Variants in WTAP observed in about 807,000 individuals in gnomAD.
WTAP encodes WT1 associated protein.
Under a neutral mutation model 50.0 loss-of-function variants are expected in WTAP, and 8 were observed. The ratio of observed to expected loss-of-function variants is 0.16; its 90% CI spans 0.09 to 0.29. WTAP has a LOEUF of 0.29. Ranked by LOEUF, WTAP falls within the 10% of genes least tolerant of loss-of-function variation. The probability of loss-of-function intolerance (pLI) is 1.00; values close to 1 mark genes in which losing one functional copy is unlikely to be tolerated. For synonymous variants in WTAP, 194 were observed against 169.0 expected (o/e 1.15, Z -1.15); for missense variants, 295 against 470.7 (o/e 0.63, Z 3.45).
chr6:159,736,241 G>C lies in WTAP; in HGVS notation c.-8-17G>C. Reference sequence around the variant, plus strand: ...AGAAAATAAATTGAACTTGTTTTCCGCAACTTTTTTTTTTAGGATTCAAGA... The same window carrying C: ...AGAAAATAAATTGAACTTGTTTTCCCCAACTTTTTTTTTTAGGATTCAAGA... On this transcript the variant is annotated splice_polypyrimidine_tract_variant and intron_variant, in intron 1 of 7. Coordinates refer to ENST00000621533, the MANE Select transcript of WTAP (RefSeq NM_001270531.2). The C allele has an allele frequency of 6.3e-7, 1 of 1,577,710 alleles. No homozygotes were observed.
chr6:159,755,433 G>T lies in WTAP; in HGVS notation c.1013G>T (p.Ser338Ile). ...AATCAACTCAGTGCGGGGTATGAAA[G>T]TGTAGACTCTCCCACGGGCAGTGAA... ...YVNQLSAGYE[S>I]VDSPTGSENS... is the part of the protein sequence containing the mutation. Residue 338 changes from serine (S) to isoleucine (I), a missense_variant, in exon 8 of 8, where the codon AGT becomes ATT. Coordinates refer to ENST00000621533, the MANE Select transcript of WTAP (RefSeq NM_001270531.2). 6.2e-7 allele frequency: 1 copy of T among 1,614,196 alleles called. No homozygotes were observed. The highest frequency in any genetic ancestry group is 1.1e-5 in the South Asian group (1 of 91,088).
At chr6:159,742,902 AAG>A (rs1554264350) in intron 4 of WTAP, among the ~76,000 whole-genome samples, 1 of 152,128 alleles carries the variant, frequency 6.6e-6, no homozygotes, top group African/African-American at 2.4e-5. Flanking sequence ...CAAAAAAAAA[AAG>A]AGTCAGGAGG....
At chr6:159,735,929 T>G (rs1778886887) in intron 1 of WTAP, among the ~76,000 whole-genome samples, 1 of 152,162 alleles carries the variant, frequency 6.6e-6, no homozygotes, top group African/African-American at 2.4e-5. Context: ...GAGGTCATTA[T>G]ATTTCTCTTC....
intron 3 of WTAP, among the ~76,000 whole-genome samples, chr6:159,741,255 C>G (rs1420813871): frequency 6.6e-6 from 1 of 151,998 alleles, no homozygotes. Flanking sequence ...AACAACGGTC[C>G]CCTTGTATTC....
intron 1 of WTAP, among the ~76,000 whole-genome samples, chr6:159,735,765 A>G (rs1489853350): frequency 1.3e-5 from 2 of 152,076 alleles, no homozygotes; most frequent in African/African-American, 4.8e-5. Context: ...AATAAAAATA[A>G]AATATATAAT....
upstream of WTAP, chr6:159,727,187 G>A: frequency 1.6e-6 from 2 of 1,225,156 alleles, no homozygotes; most frequent in South Asian, 1.4e-5. Context: ...GAAAGGACGG[G>A]GAGTGTTACC....
At chr6:159,749,525 A>G in intron 6 of WTAP, 7 of 778,006 alleles carry the variant, frequency 9.0e-6, no homozygotes, top group Non-Finnish European at 1.1e-5. Flanking sequence ...GAGCAGATTC[A>G]TTTTGGAAAT....
At chr6:159,741,629 T>TA (rs1779260716) in intron 3 of WTAP, 1 of 155,968 alleles carries the variant, frequency 6.4e-6, no homozygotes, top group African/African-American at 2.4e-5. Flanking sequence ...CTTCTCTATA[T>TA]ATCTCTTTTT....
intron 1 of WTAP, among the ~76,000 whole-genome samples, chr6:159,734,394 T>G (rs1230483811): frequency 6.7e-6 from 1 of 149,252 alleles, no homozygotes; most frequent in Admixed American, 6.7e-5. Context: ...AAAAAAAAAT[T>G]CAGTTTAACA....
At chr6:159,737,520 G>C (rs1351847368) in intron 2 of WTAP, among the ~76,000 whole-genome samples, 1 of 152,024 alleles carries the variant, frequency 6.6e-6, no homozygotes, top group Non-Finnish European at 1.5e-5. Flanking sequence ...CTGAGACAGA[G>C]TCTCACTCTG....
chr6:159,756,017 C>T lies in WTAP; in HGVS notation c.*406C>T, dbSNP rs1409947722. On this transcript the variant is annotated 3_prime_UTR_variant, in exon 8 of 8. Coordinates refer to ENST00000621533, the MANE Select transcript of WTAP (RefSeq NM_001270531.2). ...TCATGCTGTTACTGTACTTATGCAC[C>T]ATTCAGACTTGTTAGAGTAGATGTG... The T allele has an allele frequency of 6.2e-6, 1 of 161,250 alleles. No individual in the cohort carries two copies. Among genetic ancestry groups the T allele is most frequent in the African/African-American group, 2.4e-5 (1 of 41,456 alleles). 10.0% of individuals were successfully genotyped at this position (161,250 alleles called of 1,614,324 possible).
chr6:159,746,081 A>G (rs1156362682), intron 5 of WTAP, among the ~76,000 whole-genome samples: 1 of 152,236 alleles, frequency 6.6e-6, no homozygotes, highest in Non-Finnish European at 1.5e-5. Flanking sequence ...TCCCCAAAAT[A>G]CAAAGTGATT....
chr6:159,749,173 A>G (rs1445054965), intron 6 of WTAP: 41 of 985,848 alleles, frequency 4.2e-5, no homozygotes, highest in Non-Finnish European at 4.7e-5. Flanking sequence ...TGTGGTATCA[A>G]ACTTCAGGTT....
chr6:159,730,822 TAC>T (rs1298627942), intron 1 of WTAP: 1 of 152,204 alleles, frequency 6.6e-6, no homozygotes, highest in Non-Finnish European at 1.5e-5. Context: ...ACATTACAAA[TAC>T]AGAGTTTTAT....
rs1191818817 is a variant in WTAP, at chr6:159,755,065, A to G, written c.645A>G (p.Val215=). The G allele has an allele frequency of 1.2e-6, 2 of 1,613,878 alleles. No homozygotes were observed. Among genetic ancestry groups the G allele is most frequent in the Non-Finnish European group, 1.7e-6 (2 of 1,179,962 alleles). ...NDFIIQLDEE[V]EGMQSTILVL... ...TCATCATCCAGCTTGATGAAGAAGT[A>G]GAGGGTATGCAGAGTACCATTCTAG... The change falls in exon 8 of 8, where the codon GTA becomes GTG. Residue 215 remains valine, a synonymous_variant. Transcript: ENST00000621533.
At chr6:159,726,949 A>C (rs113133530), upstream of WTAP, 7,058 of 1,287,946 alleles carry the variant, frequency 5.5e-3, 325 homozygotes, top group African/African-American at 0.096. Context: ...AGCATCACGG[A>C]TGAGCGTCAC....
intron 1 of WTAP, among the ~76,000 whole-genome samples, chr6:159,732,263 C>G (rs1778619137): frequency 6.6e-6 from 1 of 152,106 alleles, no homozygotes. Flanking sequence ...TTATATTGAA[C>G]AGCATCCATG....
At chr6:159,735,566 C>T (rs991089409) in intron 1 of WTAP, among the ~76,000 whole-genome samples, 58 of 152,150 alleles carry the variant, frequency 3.8e-4, no homozygotes, top group African/African-American at 1.3e-3. Context: ...CTGACCAACA[C>T]GGTGAAACCC....
In WTAP at chr6:159,727,600, A is replaced by C; in HGVS notation, c.-112A>C. On this transcript the variant is annotated 5_prime_UTR_variant, in exon 1 of 8. Coordinates refer to ENST00000621533, the MANE Select transcript of WTAP (RefSeq NM_001270531.2). ...AGGAGCGCGGCGGGGCCGGCGGCAG[A>C]GCTGTCCGGCTGCGCGGTGGCCCGG... is the stretch of plus-strand genomic sequence containing the variant. The C allele has an allele frequency of 3.0e-6, 3 of 986,274 alleles. No homozygotes were observed. Among genetic ancestry groups the C allele is most frequent in the Non-Finnish European group, 3.6e-6 (3 of 830,750 alleles). 61.1% of individuals were successfully genotyped at this position (986,274 alleles called of 1,614,324 possible). A position where few individuals can be genotyped will look rare whatever the true frequency, so the allele number is the denominator to read the frequency against.
Sources: gnomAD v4.1 joint callset for allele counts (sites outside exome capture counted in the v4.1 genomes callset) on GRCh38, gnomAD v4.1.1 for gene constraint, MANE v1.5 for transcripts, NCBI Gene and HGNC (gene_info 2026-07-23, HGNC 2026-07-21) for gene names.